Variants in NUP210L observed in about 807,000 individuals in gnomAD.
NUP210L encodes nuclear pore membrane glycoprotein 210-like.
Under a neutral mutation model 208.5 loss-of-function variants are expected in NUP210L, and 74 were observed. The observed-to-expected ratio is 0.35, with a 90% CI of 0.29 to 0.43. NUP210L has a LOEUF of 0.43. Among genes scored for constraint, NUP210L ranks in the 20% least tolerant of loss-of-function variants. NUP210L has a pLI of 1.00. For synonymous variants in NUP210L, 780 were observed against 816.9 expected, an observed-to-expected ratio of 0.95 and a Z score of 0.77; for missense variants, 1,843 against 2,289.4, an observed-to-expected ratio of 0.81 and a Z score of 3.98.
intron 33 of NUP210L, among the ~76,000 whole-genome samples, chr1:154,017,519 CTT>C (rs553512184): frequency 7.0e-5 from 9 of 127,954 alleles, no homozygotes; most frequent in Admixed American, 8.4e-5. Flanking sequence ...TTCTTTCTTT[CTT>C]TTTTTTTTTT....
At chr1:154,014,902 G>A (rs1342285683) in intron 33 of NUP210L, among the ~76,000 whole-genome samples, 1 of 152,174 alleles carries the variant, frequency 6.6e-6, no homozygotes, top group African/African-American at 2.4e-5. Flanking sequence ...TACTTGGGAG[G>A]CTGAGGCACG....
intron 17 of NUP210L, among the ~76,000 whole-genome samples, chr1:154,063,367 G>A (rs1654237769): frequency 1.3e-5 from 2 of 152,176 alleles, no homozygotes. Flanking sequence ...AGAATGACAA[G>A]CTTTGTCATA....
chr1:154,048,663 C>T (rs778694961), intron 25 of NUP210L, among the ~76,000 whole-genome samples: 13 of 152,144 alleles, frequency 8.5e-5, no homozygotes, highest in Non-Finnish European at 2.9e-5. Context: ...CTGGTAATGC[C>T]GCAGTAGATT....
rs1654000295 is a variant in NUP210L, at chr1:154,058,791, G to C, written c.2851-98C>G. On this transcript the variant is annotated intron_variant, in intron 20 of 39. Transcript: ENST00000368559. ...CCCAAAGCAGAATAGAAAACATCTT[G>C]CTTTCTTTGAACTGGGGACTCTCAG... 5 of 1,267,742 alleles carry C rather than the reference G, an allele frequency of 3.9e-6. No individual in the cohort carries two copies. The Admixed American group carries it at 1.1e-4, about 29-fold the overall frequency. The allele number at this position is 1,267,742 out of a possible 1,614,324, so 78.5% of individuals were successfully genotyped here. A position where few individuals can be genotyped will look rare whatever the true frequency, so the allele number is the denominator to read the frequency against.
intron 12 of NUP210L, among the ~76,000 whole-genome samples, chr1:154,114,780 G>C (rs879741239): frequency 2.0e-4 from 7 of 34,994 alleles, no homozygotes; most frequent in South Asian, 1.2e-3. Context: ...TTAAGAGATG[G>C]GGGGGGGGGT....
At chr1:154,127,181 G>T (rs1420716634) in intron 9 of NUP210L, 130 bp downstream of exon 9, 2 of 448,664 alleles carry the variant, frequency 4.5e-6, no homozygotes, top group Non-Finnish European at 3.9e-6. Flanking sequence ...TTAGCAACTT[G>T]CTTTTCCGAA....
intron 32 of NUP210L, among the ~76,000 whole-genome samples, chr1:154,019,786 C>T (rs187221493): frequency 2.0e-5 from 3 of 152,112 alleles, no homozygotes; most frequent in South Asian, 2.1e-4. Context: ...ATTAGCCAGG[C>T]GTGGTGGCGC....
At chr1:154,117,815 C>A (rs767812424) in exon 12 of NUP210L, 1 of 1,608,098 alleles carries the variant, frequency 6.2e-7, no homozygotes, top group African/African-American at 1.3e-5. Flanking sequence ...CCACTCCTTT[C>A]GTGGTTACTA....
At chr1:154,027,097 C>CA (rs770084247) in intron 29 of NUP210L, among the ~76,000 whole-genome samples, 31 of 108,856 alleles carry the variant, frequency 2.8e-4, no homozygotes, top group Non-Finnish European at 3.4e-4. Flanking sequence ...AAAAAAAAAA[C>CA]AAAAAAAAAA....
At chr1:154,109,643 C>T (rs188141013) in intron 12 of NUP210L, among the ~76,000 whole-genome samples, 4 of 151,464 alleles carry the variant, frequency 2.6e-5, no homozygotes, top group African/African-American at 9.8e-5. Flanking sequence ...GAATAGACTA[C>T]GTTAGGTCCA....
At chr1:154,045,091 T>A (rs1307725715) in intron 27 of NUP210L, among the ~76,000 whole-genome samples, 1 of 152,058 alleles carries the variant, frequency 6.6e-6, no homozygotes, top group Non-Finnish European at 1.5e-5. Context: ...GGAGGGGCAG[T>A]TTAATTAATC....
chr1:154,137,553 A>G (rs1658610089), intron 6 of NUP210L, among the ~76,000 whole-genome samples: 2 of 326 alleles, frequency 6.1e-3, no homozygotes, highest in East Asian at 0.5. Context: ...TACATCTAGA[A>G]AAAAAAAAAA....
intron 16 of NUP210L, among the ~76,000 whole-genome samples, chr1:154,086,412 C>A (rs1655626175): frequency 6.6e-6 from 1 of 152,004 alleles, no homozygotes; most frequent in Admixed American, 6.6e-5. Flanking sequence ...GCAATGATTT[C>A]TTAGATTAGA....
exon 10 of NUP210L, chr1:154,126,460 G>C: frequency 6.2e-7 from 1 of 1,607,054 alleles, no homozygotes; most frequent in Non-Finnish European, 8.5e-7. Flanking sequence ...GTAATCCTGA[G>C]ATTCTGAAAA....
At chr1:154,096,232 G>A (rs1656173840) in intron 14 of NUP210L, among the ~76,000 whole-genome samples, 1 of 152,048 alleles carries the variant, frequency 6.6e-6, no homozygotes, top group Non-Finnish European at 1.5e-5. Flanking sequence ...AAAAACGTAA[G>A]CAAACTATGC....
intron 12 of NUP210L, among the ~76,000 whole-genome samples, chr1:154,112,221 C>T (rs1287089956): frequency 2.0e-5 from 3 of 152,166 alleles, no homozygotes; most frequent in African/African-American, 7.2e-5. Context: ...GCCACTGCAC[C>T]TGGCCTCAAC....
chr1:154,125,444 TGCCTCGAAAAA>T (rs1657839977), intron 10 of NUP210L, among the ~76,000 whole-genome samples: 1 of 150,678 alleles, frequency 6.6e-6, no homozygotes, highest in African/African-American at 2.4e-5. Flanking sequence ...AGTGAGACTC[TGCCTCGAAAAA>T]CTAAACAAAA....
At chr1:154,045,606 CCAGAGTT>C (rs1427842744) in intron 27 of NUP210L, among the ~76,000 whole-genome samples, 1 of 152,096 alleles carries the variant, frequency 6.6e-6, no homozygotes, top group Non-Finnish European at 1.5e-5. Flanking sequence ...TTGCAGGTTT[CCAGAGTT>C]CAGAGTTCAG....
intron 16 of NUP210L, among the ~76,000 whole-genome samples, chr1:154,084,714 C>A (rs1241600769): frequency 6.6e-6 from 1 of 151,480 alleles, no homozygotes; most frequent in African/African-American, 2.4e-5. Context: ...CTCAAGTGAT[C>A]CACCTGCCTT....
Sources: allele counts gnomAD v4.1 joint callset (sites outside exome capture counted in the v4.1 genomes callset), GRCh38; gene constraint gnomAD v4.1.1; transcripts MANE v1.5; gene names NCBI Gene and HGNC (gene_info 2026-07-23, HGNC 2026-07-21).